The following PPP2R1A variants were observed in gnomAD, a reference collection of about 807,000 sequenced individuals.
PPP2R1A encodes the protein protein phosphatase 2 scaffold subunit Aalpha.
In PPP2R1A, 15 loss-of-function variants were observed where a neutral mutation model predicts 67.1. The ratio of observed to expected loss-of-function variants is 0.22; its 90% CI spans 0.15 to 0.34. The LOEUF (loss-of-function observed/expected upper bound fraction) is 0.34, where lower values mean the gene tolerates loss of function less well. Ranked by LOEUF, PPP2R1A falls within the 10% of genes least tolerant of loss-of-function variation. The probability of loss-of-function intolerance (pLI) is 1.00; values close to 1 mark genes in which losing one functional copy is unlikely to be tolerated. For missense variants in PPP2R1A, 369 were observed against 775.0 expected, an observed-to-expected ratio of 0.48 and a Z score of 6.22; for synonymous variants, 337 against 325.0, an observed-to-expected ratio of 1.04 and a Z score of -0.40.
chr19:52,216,704 AC>A lies in PPP2R1A; in HGVS notation c.1128+42del. On this transcript the variant is annotated intron_variant, in intron 9 of 14. Transcript: ENST00000322088. This position sits in a 1 kb window ranked among gnomAD's most constrained non-coding sequence, Gnocchi z 4.3. ...TCTCAGCTCTGGGTTTGTGGAGGGG[AC>A]AGGCGGGTCTTCCTAGATTGCTAGG... 1 of 1,613,736 alleles carries A rather than the reference AC, an allele frequency of 6.2e-7. No homozygotes were observed. Among genetic ancestry groups the A allele is most frequent in the Non-Finnish European group, 8.5e-7 (1 of 1,179,808 alleles).
At chr19:52,195,820 G>A (rs913311178) in intron 1 of PPP2R1A, among the ~76,000 whole-genome samples, 11 of 152,078 alleles carry the variant, frequency 7.2e-5, no homozygotes, top group African/African-American at 1.4e-4. Flanking sequence ...CTGTGTGTTC[G>A]GCTATGTTGA....
rs1182157137 is a variant in PPP2R1A at position 52,225,040 on chromosome 19, G to A, written c.1662-677G>A. Among the ~76,000 whole-genome samples the A allele has an allele frequency of 4.8e-5, 6 of 124,558 alleles. 1 individual carries two copies. The Middle Eastern group carries it at 0.015, about 308-fold the overall frequency. 81.7% of individuals were successfully genotyped at this position (124,558 alleles called of 152,430 possible). A position where few individuals can be genotyped will look rare whatever the true frequency, so the allele number is the denominator to read the frequency against. On this transcript the variant is annotated intron_variant, in intron 13 of 14. Coordinates refer to ENST00000322088, the MANE Select transcript of PPP2R1A (RefSeq NM_014225.6). Reference sequence around the variant, plus strand: ...TTTTTTTTTTTTTTTTTTTTGAGACGGAGTTTCGCTCTTGTTGCCCAGGCT... The same window carrying A: ...TTTTTTTTTTTTTTTTTTTTGAGACAGAGTTTCGCTCTTGTTGCCCAGGCT...
chr19:52,211,478 G>T lies in PPP2R1A; in HGVS notation c.489G>T (p.Lys163Asn), dbSNP rs1474301500. ...VCYPRVSSAV[K>N]AELRQYFRNL... ...ACCCCCGAGTGTCCAGTGCTGTGAA[G>T]GCGGAACTTCGACAGTGAGTCTCTG... Residue 163 changes from lysine (K) to asparagine (N), a missense_variant, in exon 4 of 15, where the codon AAG becomes AAT. Coordinates refer to ENST00000322088, the MANE Select transcript of PPP2R1A (RefSeq NM_014225.6). This position sits in a 1 kb window ranked among gnomAD's most constrained non-coding sequence, Gnocchi z 5.3. 11 of 1,608,660 alleles carry T rather than the reference G, an allele frequency of 6.8e-6. No individual in the cohort carries two copies. The highest frequency in any genetic ancestry group is 9.4e-6 in the Non-Finnish European group (11 of 1,176,052).
At chr19:52,201,911 C>T (rs2122300210) in intron 1 of PPP2R1A, 33 bp from the exon 2 acceptor site, 2 of 1,599,298 alleles carry the variant, frequency 1.3e-6, no homozygotes, top group Admixed American at 1.7e-5. Flanking sequence ...GGATTTCTAA[C>T]ATTCTCCCCT....
intron 1 of PPP2R1A, chr19:52,201,678 C>A: frequency 2.1e-6 from 1 of 467,956 alleles, no homozygotes; most frequent in Non-Finnish European, 4.0e-6. Flanking sequence ...CAGAGTGGTC[C>A]TGGAAAGTGC....
At chr19:52,190,218 C>T (rs1447252100) in intron 1 of PPP2R1A, 44 bp downstream of exon 1, 11 of 1,539,544 alleles carry the variant, frequency 7.1e-6, no homozygotes, top group East Asian at 2.5e-5. Context: ...GGAGGGGTAC[C>T]TGGGGGCACG....
intron 3 of PPP2R1A, 47 bp downstream of exon 3, chr19:52,206,110 C>T: frequency 6.5e-7 from 1 of 1,546,808 alleles, no homozygotes; most frequent in Non-Finnish European, 8.9e-7. Context: ...TAGGGTCGGC[C>T]CATGGTCCTG....
intron 1 of PPP2R1A, 182 bp from the exon 2 acceptor site, chr19:52,201,762 G>T: frequency 1.7e-6 from 1 of 583,240 alleles, no homozygotes; most frequent in Admixed American, 2.9e-5. Flanking sequence ...TACTATTGTT[G>T]TTATTTAATG....
intron 1 of PPP2R1A, among the ~76,000 whole-genome samples, chr19:52,192,877 T>C (rs1248366023): frequency 6.6e-6 from 1 of 152,060 alleles, no homozygotes; most frequent in Non-Finnish European, 1.5e-5. Flanking sequence ...AACCGCGAGG[T>C]GTTCATCTGT....
intron 3 of PPP2R1A, 116 bp downstream of exon 3, chr19:52,206,179 C>A: frequency 1.2e-6 from 1 of 834,846 alleles, no homozygotes; most frequent in Non-Finnish European, 1.9e-6. Flanking sequence ...TCAGAACAGC[C>A]GGGCCATGGA....
intron 3 of PPP2R1A, among the ~76,000 whole-genome samples, chr19:52,208,624 C>T (rs2089632603): frequency 6.6e-6 from 1 of 152,126 alleles, no homozygotes; most frequent in Admixed American, 6.5e-5. Context: ...CTCAGCCTCC[C>T]AAGTAGCTGG....
At position 52,216,505 on chromosome 19, in the gene PPP2R1A, G is replaced by A; in HGVS notation, c.994-24G>A. 1.2e-6 allele frequency: 2 copies of A among 1,614,008 alleles called. No homozygotes were observed. Among genetic ancestry groups the A allele is most frequent in the Non-Finnish European group, 1.7e-6 (2 of 1,180,016 alleles). On this transcript the variant is annotated intron_variant, in intron 8 of 14. Transcript: ENST00000322088. The surrounding 1 kb of genome is among the most constrained non-coding windows in gnomAD (Gnocchi z 4.3). ...TGCTGCAGGGGTTGCACTGACCCCT[G>A]TGCCTGCCTCTTCTCTCTCCCAGGA...
rs2122340021 is a variant in PPP2R1A at position 52,213,199 on chromosome 19, G to A, written c.807+89G>A. The A allele has an allele frequency of 7.0e-7, 1 of 1,423,388 alleles. No homozygotes were observed. 88.2% of individuals were successfully genotyped at this position (1,423,388 alleles called of 1,614,324 possible). ...ATATAGGAGCTGAGGTTTCCATTAG[G>A]CCGATGGAACCATTGGGCGTTTGAG... On this transcript the variant is annotated intron_variant, in intron 6 of 14. Transcript: ENST00000322088. The surrounding 1 kb of genome is among the most constrained non-coding windows in gnomAD (Gnocchi z 4.2).
intron 12 of PPP2R1A, 49 bp downstream of exon 12, chr19:52,221,182 G>A (rs761231457): frequency 1.2e-5 from 19 of 1,609,740 alleles, no homozygotes; most frequent in East Asian, 4.5e-5. Context: ...ACTGGAGCGC[G>A]TGGGAGAGGA....
rs780001633 is a variant in PPP2R1A at position 52,225,976 on chromosome 19, G to A, written c.1765G>A (p.Ala589Thr). 6.8e-6 allele frequency: 11 copies of A among 1,614,054 alleles called. No homozygotes were observed. The highest frequency in any genetic ancestry group is 2.2e-5 in the East Asian group (1 of 44,892). The stretch of plus-strand genomic sequence containing the variant: ...TCCTGTTTTCCTAGTTCTGTCTCTC[G>A]CCTGATGCTGGAAGAGGAGCAAACA... ...AQEALTVLSL[A>T] Residue 589 changes from alanine to threonine, a missense_variant, in exon 15 of 15, where the codon GCC (alanine) becomes ACC (threonine). Physicochemically the swap from Ala to Thr is moderately conservative, Grantham distance 58. This residue lies in a region of PPP2R1A where 276 missense variants were observed against 508.4 expected (regional missense o/e 0.54). Coordinates refer to ENST00000322088, the MANE Select transcript of PPP2R1A (RefSeq NM_014225.6).
At chr19:52,201,881 T>C in intron 1 of PPP2R1A, 63 bp from the exon 2 acceptor site, 1 of 1,496,962 alleles carries the variant, frequency 6.7e-7, no homozygotes, top group South Asian at 1.1e-5. Context: ...TTGAGAGCTG[T>C]CAGAACTCAC....
chr19:52,213,789 G>T lies in PPP2R1A; in HGVS notation c.807+679G>T, dbSNP rs555141023. On this transcript the variant is annotated intron_variant, in intron 6 of 14. Coordinates refer to ENST00000322088, the MANE Select transcript of PPP2R1A (RefSeq NM_014225.6). This position sits in a 1 kb window ranked among gnomAD's most constrained non-coding sequence, Gnocchi z 4.2. ...GTGTTAGCCACCGCGCCCAGCCCCG[G>T]AAAGTTTAATTAACTGATCAGAGTG... 6.6e-6 allele frequency among the ~76,000 whole-genome samples: 1 copy of T among 152,058 alleles called. No homozygotes were observed. The highest frequency in any genetic ancestry group is 2.4e-5 in the African/African-American group (1 of 41,464).
rs916033846 is a variant in PPP2R1A, at chr19:52,226,359, G to T, written c.*378G>T. On this transcript the variant is annotated 3_prime_UTR_variant, in exon 15 of 15. Coordinates refer to ENST00000322088, the MANE Select transcript of PPP2R1A (RefSeq NM_014225.6). Reference sequence around the variant, plus strand: ...TTTTTTTTTGTGTGTCAACTGTGCCGTTTTTATTTTATTCCTTTTATTTTC... The same window carrying T: ...TTTTTTTTTGTGTGTCAACTGTGCCTTTTTTATTTTATTCCTTTTATTTTC... 6.2e-5 allele frequency: 22 copies of T among 352,846 alleles called. No homozygotes were observed. The highest frequency in any genetic ancestry group is 7.5e-4 in the Middle Eastern group (1 of 1,330). The allele number at this position is 352,846 out of a possible 1,614,324, so 21.9% of individuals were successfully genotyped here.
At chr19:52,222,319 C>A (rs1978988329) in intron 13 of PPP2R1A, 78 bp downstream of exon 13, 2 of 1,529,290 alleles carry the variant, frequency 1.3e-6, no homozygotes, top group African/African-American at 1.4e-5. Context: ...GAAGGTAGAG[C>A]CCAGGGTCAG....
Sources: allele counts gnomAD v4.1 joint callset (sites outside exome capture counted in the v4.1 genomes callset), GRCh38; gene constraint gnomAD v4.1.1; regional missense constraint gnomAD v4.1.1; non-coding constraint Gnocchi (gnomAD v3.1); transcripts MANE v1.5; gene names NCBI Gene and HGNC (gene_info 2026-07-23, HGNC 2026-07-21).